SHANK2: variants seen among roughly 807,000 people sequenced by gnomAD.
SHANK2 encodes SH3 and multiple ankyrin repeat domains protein 2.
Under a neutral mutation model 133.7 loss-of-function variants are expected in SHANK2, and 43 were observed. The observed-to-expected ratio is 0.32, with a 90% CI of 0.25 to 0.41. The LOEUF is 0.41. SHANK2 is among the 10% of genes least tolerant of loss of function. SHANK2 has a pLI of 1.00. For synonymous variants in SHANK2, 1,017 were observed against 952.8 expected (o/e 1.07, Z -1.24); for missense variants, 1,994 against 2,235.8 (o/e 0.89, Z 2.18).
At chr11:70,911,057 C>A (rs782375623) in intron 10 of SHANK2, 1 of 456,928 alleles carries the variant, frequency 2.2e-6, no homozygotes, top group South Asian at 1.5e-5. Context: ...CTCAGAAGAT[C>A]GGCATTCACC....
At chr11:70,575,403 C>G (rs1364791301) in intron 17 of SHANK2, among the ~76,000 whole-genome samples, 1 of 151,098 alleles carries the variant, frequency 6.6e-6, no homozygotes, top group Non-Finnish European at 1.5e-5. Context: ...CCTGTAATCC[C>G]AGCTACTCAG....
chr11:71,086,061 A>ATTATATAATATATTATG, intron 8 of SHANK2, among the ~76,000 whole-genome samples: 1 of 64,218 alleles, frequency 1.6e-5, no homozygotes, highest in African/African-American at 6.4e-5. Flanking sequence ...TATATAATAT[A>ATTATATAATATATTATG]TTATATAATA....
intron 25 of SHANK2, chr11:70,474,322 C>T (rs536346651): frequency 6.6e-6 from 1 of 152,430 alleles, no homozygotes; most frequent in East Asian, 1.9e-4. Context: ...CATGGGCGTC[C>T]CCGAGGGTCC....
intron 14 of SHANK2, among the ~76,000 whole-genome samples, chr11:70,711,353 C>T (rs1010312071): frequency 2.0e-5 from 3 of 152,262 alleles, no homozygotes; most frequent in African/African-American, 7.2e-5. Flanking sequence ...AGCCTCCTGC[C>T]GTCTCCGCAG....
chr11:70,708,506 G>T (rs1945713101), intron 14 of SHANK2, among the ~76,000 whole-genome samples: 2 of 152,164 alleles, frequency 1.3e-5, no homozygotes, highest in South Asian at 4.1e-4. Flanking sequence ...GACATTTCTG[G>T]GTTACTTTTT....
At chr11:71,069,759 T>C (rs925854560) in intron 9 of SHANK2, among the ~76,000 whole-genome samples, 111 of 152,300 alleles carry the variant, frequency 7.3e-4, no homozygotes, top group African/African-American at 2.5e-3. Flanking sequence ...CATGCCTCTT[T>C]GAATTACTGT....
chr11:70,659,458 C>G (rs761586274), intron 17 of SHANK2, among the ~76,000 whole-genome samples: 56 of 152,166 alleles, frequency 3.7e-4, no homozygotes, highest in Non-Finnish European at 7.1e-4. Flanking sequence ...CCATAGGACA[C>G]AAGAAGGGAC....
chr11:70,627,507 C>A (rs902941432), intron 17 of SHANK2, among the ~76,000 whole-genome samples: 3 of 152,180 alleles, frequency 2.0e-5, no homozygotes, highest in Admixed American at 6.5e-5. Context: ...GCAGCCTAAC[C>A]CCGCTGTCCT....
intron 9 of SHANK2, among the ~76,000 whole-genome samples, chr11:71,060,292 T>A (rs1325182263): frequency 2.0e-5 from 3 of 152,132 alleles, no homozygotes; most frequent in Admixed American, 2.0e-4. Context: ...CAAACCTCAA[T>A]AAAGCTGAGG....
At chr11:71,091,260 C>A (rs933675700) in intron 8 of SHANK2, among the ~76,000 whole-genome samples, 1 of 152,078 alleles carries the variant, frequency 6.6e-6, no homozygotes, top group African/African-American at 2.4e-5. Context: ...CCCCACAGAC[C>A]CCTACTCATC....
At chr11:70,746,721 A>G (rs1228272586) in intron 14 of SHANK2, among the ~76,000 whole-genome samples, 1 of 152,082 alleles carries the variant, frequency 6.6e-6, no homozygotes, top group Non-Finnish European at 1.5e-5. Flanking sequence ...TTTGGTCATC[A>G]GCACTTGCAG....
intron 17 of SHANK2, among the ~76,000 whole-genome samples, chr11:70,531,579 G>C (rs1554973228): frequency 6.6e-6 from 1 of 152,242 alleles, no homozygotes; most frequent in East Asian, 1.9e-4. Context: ...GGGCTGTGAG[G>C]ACAAGTCTAG....
chr11:71,128,590 T>C (rs1952234479), intron 3 of SHANK2, among the ~76,000 whole-genome samples: 1 of 152,032 alleles, frequency 6.6e-6, no homozygotes, highest in Non-Finnish European at 1.5e-5. Flanking sequence ...CAGCCTCAGT[T>C]CTCTCTAAGT....
chr11:70,492,541 G>A (rs894622914), intron 21 of SHANK2, 76 bp from the exon 22 acceptor site: 1 of 1,584,612 alleles, frequency 6.3e-7, no homozygotes, highest in Middle Eastern at 1.7e-4. Flanking sequence ...GCGCACAGGT[G>A]CAGCAGCCAC....
intron 1 of SHANK2, among the ~76,000 whole-genome samples, chr11:71,231,750 A>G (rs1413139591): frequency 6.6e-6 from 1 of 152,164 alleles, no homozygotes; most frequent in East Asian, 1.9e-4. Context: ...TTAGCTGGGC[A>G]TGGTGGCATG....
chr11:71,234,402 T>TAAATAAAA (rs1471555760), intron 1 of SHANK2, among the ~76,000 whole-genome samples: 5 of 148,966 alleles, frequency 3.4e-5, no homozygotes, highest in East Asian at 3.9e-4. Context: ...AATAAATAAA[T>TAAATAAAA]AACAACAAAA....
intron 5 of SHANK2, among the ~76,000 whole-genome samples, chr11:71,112,415 G>A (rs115668386): frequency 0.029 from 4,463 of 152,192 alleles, 201 homozygotes; most frequent in African/African-American, 0.098. Flanking sequence ...AAGAATCCTT[G>A]CATGCATCTG....
intron 14 of SHANK2, among the ~76,000 whole-genome samples, chr11:70,787,190 A>G (rs1391535962): frequency 2.0e-4 from 30 of 151,430 alleles, no homozygotes; most frequent in Non-Finnish European, 3.7e-4. Context: ...CACCAACACC[A>G]GCATCACCAA....
intron 10 of SHANK2, among the ~76,000 whole-genome samples, chr11:70,946,783 T>C (rs1344133089): frequency 0.19 from 4,985 of 26,808 alleles, no homozygotes; most frequent in African/African-American, 0.23. Context: ...GCTCAACCTC[T>C]CTCTCCACTA....
Sources: gnomAD v4.1 joint callset for allele counts (sites outside exome capture counted in the v4.1 genomes callset) on GRCh38, gnomAD v4.1.1 for gene constraint, MANE v1.5 for transcripts, NCBI Gene and HGNC (gene_info 2026-07-23, HGNC 2026-07-21) for gene names.